FSD2: variants seen among roughly 807,000 people sequenced by gnomAD.
FSD2 encodes fibronectin type III and SPRY domain containing 2.
A neutral mutation model predicts 80.4 loss-of-function variants in FSD2; 71 were observed. That is an observed-to-expected ratio of 0.88 (90% CI 0.73 to 1.08). The LOEUF is 1.08. FSD2 is among the 50% of genes least tolerant of loss of function. FSD2 has a pLI of 0.00. For synonymous variants in FSD2, 361 were observed against 329.5 expected, an observed-to-expected ratio of 1.10 and a Z score of -1.03; for missense variants, 923 against 913.8, an observed-to-expected ratio of 1.01 and a Z score of -0.13.
rs1034257966 is a variant in FSD2 at position 82,759,098 on chromosome 15, G to A, written c.*250C>T. Reference sequence around the variant, plus strand: ...GTTTGACAGCTTCAAAGACTTTTGAGTTCGTTTAGTCTGAGCCTTTATTTT... The same window carrying A: ...GTTTGACAGCTTCAAAGACTTTTGAATTCGTTTAGTCTGAGCCTTTATTTT... On this transcript the variant is annotated 3_prime_UTR_variant, in exon 13 of 13. Coordinates refer to ENST00000334574, the MANE Select transcript of FSD2 (RefSeq NM_001007122.4). 4.4e-5 allele frequency: 20 copies of A among 453,602 alleles called. No homozygotes were observed. The highest frequency in any genetic ancestry group is 7.1e-5 in the Non-Finnish European group (18 of 253,606). The allele number at this position is 453,602 out of a possible 1,614,324, so 28.1% of individuals were successfully genotyped here.
intron 1 of FSD2, among the ~76,000 whole-genome samples, chr15:82,790,226 C>A (rs2050107710): frequency 6.6e-6 from 1 of 152,072 alleles, no homozygotes; most frequent in South Asian, 2.1e-4. Flanking sequence ...ACAAACAGTT[C>A]TCTGATGGCC....
chr15:82,796,000 CTTTTT>C (rs143711664), intron 1 of FSD2, among the ~76,000 whole-genome samples: 1 of 117,496 alleles, frequency 8.5e-6, no homozygotes, highest in African/African-American at 3.3e-5. Context: ...TTTTTCTTTT[CTTTTT>C]TTTTTTTTTT....
At chr15:82,795,015 C>A (rs1335159009) in intron 1 of FSD2, among the ~76,000 whole-genome samples, 1 of 152,084 alleles carries the variant, frequency 6.6e-6, no homozygotes, top group Non-Finnish European at 1.5e-5. Context: ...TGAGCCACTG[C>A]GCCAGGCAGA....
intron 1 of FSD2, among the ~76,000 whole-genome samples, chr15:82,790,742 A>AC (rs2050126967): frequency 7.5e-6 from 1 of 132,684 alleles, no homozygotes. Flanking sequence ...TGCCCAGCTA[A>AC]TTTTTTTTTT....
intron 4 of FSD2, among the ~76,000 whole-genome samples, chr15:82,780,475 C>T (rs931711310): frequency 2.6e-5 from 4 of 151,720 alleles, no homozygotes; most frequent in African/African-American, 9.7e-5. Flanking sequence ...GCTGAGATTA[C>T]AGGCACGCAC....
chr15:82,769,602 G>A (rs993714209), intron 8 of FSD2, 148 bp downstream of exon 8: 1 of 935,292 alleles, frequency 1.1e-6, no homozygotes, highest in African/African-American at 1.6e-5. Flanking sequence ...TAGGCATGTA[G>A]ATTTTGTGTG....
At chr15:82,804,893 T>C (rs1306710524) in intron 1 of FSD2, among the ~76,000 whole-genome samples, 2 of 152,164 alleles carry the variant, frequency 1.3e-5, no homozygotes, top group East Asian at 3.8e-4. Flanking sequence ...CCTCAACACC[T>C]AGACTCTTTC....
At chr15:82,769,168 A>T in intron 8 of FSD2, 138 bp from the exon 9 acceptor site, 1 of 722,860 alleles carries the variant, frequency 1.4e-6, no homozygotes, top group Non-Finnish European at 2.0e-6. Flanking sequence ...CAAACCAGGG[A>T]ATCCCTTCCA....
At chr15:82,789,950 G>A (rs189473214) in intron 1 of FSD2, among the ~76,000 whole-genome samples, 3 of 152,274 alleles carry the variant, frequency 2.0e-5, no homozygotes, top group African/African-American at 2.4e-5. Flanking sequence ...GCCAAGATGG[G>A]CGGATCATGA....
At chr15:82,792,609 T>C (rs1349628064) in intron 1 of FSD2, among the ~76,000 whole-genome samples, 1 of 152,210 alleles carries the variant, frequency 6.6e-6, no homozygotes, top group South Asian at 2.1e-4. Flanking sequence ...AGCACAAAAG[T>C]TTTTAATTTT....
intron 5 of FSD2, 40 bp downstream of exon 5, chr15:82,780,205 A>G (rs1378429716): frequency 3.5e-6 from 5 of 1,435,122 alleles, no homozygotes; most frequent in Non-Finnish European, 4.7e-6. Flanking sequence ...AAAGTTGAAA[A>G]AAGTAAAAAA....
At position 82,777,905 on chromosome 15, in the gene FSD2, A is replaced by G. The variant is rs571485580; in HGVS notation, c.1111+861T>C. 4.1e-5 allele frequency among the ~76,000 whole-genome samples: 6 copies of G among 147,992 alleles called. No homozygotes were observed. The South Asian group carries it at 1.3e-3, about 32-fold the overall frequency. On this transcript the variant is annotated intron_variant, in intron 6 of 12. Transcript: ENST00000334574. ...AATGGTGAGAATGTGGAGAACTGGA[A>G]CCCTTATATACTGTTGGTGTGAATG...
intron 3 of FSD2, among the ~76,000 whole-genome samples, chr15:82,784,349 A>C (rs1490174221): frequency 6.6e-6 from 1 of 151,646 alleles, no homozygotes; most frequent in African/African-American, 2.4e-5. Context: ...GGTTCAAGTG[A>C]TTCTCCTGTC....
intron 9 of FSD2, among the ~76,000 whole-genome samples, chr15:82,766,233 T>C (rs1033792860): frequency 4.6e-5 from 7 of 152,222 alleles, no homozygotes; most frequent in African/African-American, 1.7e-4. Context: ...TCTCACTTCA[T>C]TGCTACTTCT....
intron 1 of FSD2, among the ~76,000 whole-genome samples, chr15:82,804,237 G>A (rs561727448): frequency 3.9e-4 from 59 of 152,102 alleles, no homozygotes; most frequent in Non-Finnish European, 6.6e-4. Context: ...TCATAACCAC[G>A]CACAGACATC....
At chr15:82,767,398 A>G (rs1414538811) in intron 9 of FSD2, among the ~76,000 whole-genome samples, 1 of 152,192 alleles carries the variant, frequency 6.6e-6, no homozygotes, top group African/African-American at 2.4e-5. Context: ...AGTAGGAGGA[A>G]CTGAAACATG....
intron 1 of FSD2, among the ~76,000 whole-genome samples, chr15:82,803,256 G>A (rs919677340): frequency 3.2e-4 from 48 of 152,176 alleles, no homozygotes; most frequent in African/African-American, 9.6e-4. Context: ...CTGACTGCGC[G>A]CACCATGGTC....
In FSD2 at chr15:82,765,883, G is replaced by A; in HGVS notation, c.1687+15C>T. 1 of 1,594,508 alleles carries A rather than the reference G, an allele frequency of 6.3e-7. No homozygotes were observed. Among genetic ancestry groups the A allele is most frequent in the Non-Finnish European group, 8.6e-7 (1 of 1,168,558 alleles). ...CACTTTGGGTCCCAGAGACTTTGTG[G>A]GCTGGGGCACAGACCTATGGTGTGG... On this transcript the variant is annotated intron_variant, in intron 10 of 12. Transcript: ENST00000334574.
intron 12 of FSD2, 50 bp from the exon 13 acceptor site, chr15:82,759,650 CTA>C: frequency 7.1e-7 from 1 of 1,405,924 alleles, no homozygotes; most frequent in South Asian, 1.4e-5. Context: ...TATAGATTGA[CTA>C]TTTATAGAAC....
Sources: allele counts gnomAD v4.1 joint callset (sites outside exome capture counted in the v4.1 genomes callset), GRCh38; gene constraint gnomAD v4.1.1; transcripts MANE v1.5; gene names NCBI Gene and HGNC (gene_info 2026-07-23, HGNC 2026-07-21).